Variants in CNTNAP5 observed in about 807,000 individuals in gnomAD.
CNTNAP5 encodes the protein contactin associated protein family member 5, also known as contactin-associated protein-like 5.
A neutral mutation model predicts 150.2 loss-of-function variants in CNTNAP5; 72 were observed. The ratio of observed to expected loss-of-function variants is 0.48; its 90% CI spans 0.40 to 0.58. The LOEUF is 0.58. Among genes scored for constraint, CNTNAP5 ranks in the 20% least tolerant of loss-of-function variants. CNTNAP5 has a pLI of 0.00. For synonymous variants in CNTNAP5, 672 were observed against 619.8 expected (o/e 1.08, Z -1.25); for missense variants, 1,636 against 1,626.2 (o/e 1.01, Z -0.10).
At chr2:124,745,331 G>C (rs1680582669) in intron 13 of CNTNAP5, among the ~76,000 whole-genome samples, 1 of 152,088 alleles carries the variant, frequency 6.6e-6, no homozygotes, top group Non-Finnish European at 1.5e-5. Context: ...TGAGAGTAGA[G>C]GCCTGGGCTG....
chr2:124,919,403 A>C lies in CNTNAP5; in HGVS notation c.*5115A>C, dbSNP rs575268978. 2.3e-4 allele frequency among the ~76,000 whole-genome samples: 35 copies of C among 152,270 alleles called. No individual in the cohort carries two copies. Among genetic ancestry groups the C allele is most frequent in the African/African-American group, 8.4e-4 (35 of 41,572 alleles). ...ACTTTGTAAGCTAGATGTCTGTCTT[A>C]TGTAATGTTTATAGTCTACAAAATG... On this transcript the variant is annotated 3_prime_UTR_variant, in exon 24 of 24. Coordinates refer to ENST00000682447, the MANE Select transcript of CNTNAP5 (RefSeq NM_001367498.1).
chr2:124,778,187 G>A (rs575201713), intron 17 of CNTNAP5, among the ~76,000 whole-genome samples: 51 of 152,252 alleles, frequency 3.3e-4, no homozygotes, highest in African/African-American at 1.2e-3. Flanking sequence ...AGCCACAAGG[G>A]AAGCCCCAGT....
intron 3 of CNTNAP5, among the ~76,000 whole-genome samples, chr2:124,370,330 G>A (rs1459748153): frequency 6.6e-6 from 1 of 152,150 alleles, no homozygotes; most frequent in Non-Finnish European, 1.5e-5. Flanking sequence ...CTAGAGGGAA[G>A]ATGAGGGCTT....
chr2:124,289,490 G>A (rs1181617092), intron 3 of CNTNAP5, among the ~76,000 whole-genome samples: 1 of 152,160 alleles, frequency 6.6e-6, no homozygotes, highest in Non-Finnish European at 1.5e-5. Flanking sequence ...TTTGTCATCA[G>A]TCTCCATAAT....
At chr2:124,390,419 C>T (rs1231300841) in intron 3 of CNTNAP5, among the ~76,000 whole-genome samples, 1 of 152,208 alleles carries the variant, frequency 6.6e-6, no homozygotes, top group Non-Finnish European at 1.5e-5. Context: ...GCCATGACAG[C>T]CCACCTGTCC....
At chr2:124,759,370 T>C (rs112965654) in intron 14 of CNTNAP5, among the ~76,000 whole-genome samples, 1 of 146,886 alleles carries the variant, frequency 6.8e-6, no homozygotes, top group Non-Finnish European at 1.5e-5. Flanking sequence ...TCATTATATA[T>C]ATTTATTATA....
chr2:124,448,408 T>C (rs1692882474), intron 6 of CNTNAP5, among the ~76,000 whole-genome samples: 1 of 152,206 alleles, frequency 6.6e-6, no homozygotes, highest in African/African-American at 2.4e-5. Context: ...AAAGGTGCTC[T>C]GGAGGTATTT....
intron 19 of CNTNAP5, among the ~76,000 whole-genome samples, chr2:124,855,169 T>TTTG (rs1406746773): frequency 6.2e-5 from 1 of 16,216 alleles, no homozygotes; most frequent in African/African-American, 3.5e-4. Context: ...GGCTTTTGCT[T>TTTG]TTTTTTTTTT....
intron 13 of CNTNAP5, among the ~76,000 whole-genome samples, chr2:124,717,063 A>G (rs1026614965): frequency 6.6e-6 from 1 of 152,172 alleles, no homozygotes; most frequent in Non-Finnish European, 1.5e-5. Context: ...TCATTTGGCC[A>G]TGCTCCCACT....
chr2:124,415,061 C>A (rs573530054), intron 3 of CNTNAP5, among the ~76,000 whole-genome samples: 22 of 152,310 alleles, frequency 1.4e-4, no homozygotes, highest in South Asian at 6.2e-4. Context: ...AAGAACTAAA[C>A]TCCACAGGGA....
At chr2:124,083,495 CTT>C (rs1558749211) in intron 1 of CNTNAP5, among the ~76,000 whole-genome samples, 1 of 152,084 alleles carries the variant, frequency 6.6e-6, no homozygotes, top group Non-Finnish European at 1.5e-5. Flanking sequence ...ATTATGCACT[CTT>C]TGTCTAGTAT....
chr2:124,373,622 T>C (rs2104729651), intron 3 of CNTNAP5, among the ~76,000 whole-genome samples: 1 of 152,062 alleles, frequency 6.6e-6, no homozygotes, highest in East Asian at 1.9e-4. Flanking sequence ...AAGACTAAGG[T>C]TCAGAATAAT....
In CNTNAP5 at chr2:124,919,133, G is replaced by A. The variant is rs566825947; in HGVS notation, c.*4845G>A. Among the ~76,000 whole-genome samples, 87 of 151,820 alleles carry A rather than the reference G, an allele frequency of 5.7e-4. No individual in the cohort carries two copies. The highest frequency in any genetic ancestry group is 1.3e-3 in the African/African-American group (54 of 41,444). Reference sequence around the variant, plus strand: ...AGGGGAAAAAATGCAACACACACACGCACGCTCACATGCACACTTTGTACA... The same window carrying A: ...AGGGGAAAAAATGCAACACACACACACACGCTCACATGCACACTTTGTACA... On this transcript the variant is annotated 3_prime_UTR_variant, in exon 24 of 24. Transcript: ENST00000682447.
chr2:124,566,195 C>A (rs1381903495), intron 11 of CNTNAP5, among the ~76,000 whole-genome samples: 2 of 152,068 alleles, frequency 1.3e-5, no homozygotes, highest in East Asian at 1.9e-4. Context: ...AAGTCAGAGA[C>A]AACTGAAATG....
Position 124,255,601 on chromosome 2 carries a change from A to AC in CNTNAP5, c.381+13208_381+13209insC, listed in dbSNP as rs1455508513. Among the ~76,000 whole-genome samples, 12 of 150,578 alleles carry AC rather than the reference A, an allele frequency of 8.0e-5. No homozygotes were observed. The South Asian group carries it at 2.5e-3, about 32-fold the overall frequency. On this transcript the variant is annotated intron_variant, in intron 3 of 23. Coordinates refer to ENST00000682447, the MANE Select transcript of CNTNAP5 (RefSeq NM_001367498.1). The stretch of plus-strand genomic sequence containing the variant: ...AAATAAAATAATAATTTTTTTTTAA[A>AC]AAGTAAATAAAAGCAATGGGAATAA...
At chr2:124,325,864 G>A (rs938218543) in intron 3 of CNTNAP5, among the ~76,000 whole-genome samples, 2 of 152,114 alleles carry the variant, frequency 1.3e-5, no homozygotes, top group African/African-American at 4.8e-5. Flanking sequence ...TCCACTAGGG[G>A]GATGAGCCAT....
At chr2:124,759,416 TTA>T (rs112394055) in intron 14 of CNTNAP5, among the ~76,000 whole-genome samples, 23 of 144,854 alleles carry the variant, frequency 1.6e-4, no homozygotes, top group East Asian at 3.9e-4. Context: ...TATATACACA[TTA>T]TATATATATA....
intron 1 of CNTNAP5, among the ~76,000 whole-genome samples, chr2:124,033,431 C>T (rs1485115196): frequency 6.6e-6 from 1 of 152,158 alleles, no homozygotes; most frequent in African/African-American, 2.4e-5. Flanking sequence ...TCAGTTGTAT[C>T]TCTGTTTTCC....
intron 1 of CNTNAP5, among the ~76,000 whole-genome samples, chr2:124,195,401 A>G (rs571283044): frequency 4.5e-4 from 68 of 152,178 alleles, no homozygotes; most frequent in Non-Finnish European, 7.8e-4. Flanking sequence ...TCATCTATAA[A>G]AGGTCTAAGA....
Sources: gnomAD v4.1 joint callset for allele counts (sites outside exome capture counted in the v4.1 genomes callset) on GRCh38, gnomAD v4.1.1 for gene constraint, MANE v1.5 for transcripts, NCBI Gene and HGNC (gene_info 2026-07-23, HGNC 2026-07-21) for gene names.